The following ACSS2 variants were observed in gnomAD, a reference collection of about 807,000 sequenced individuals.
The protein encoded by ACSS2 is acyl-CoA synthetase short chain family member 2, also known as acetyl-coenzyme A synthetase, cytoplasmic.
A neutral mutation model predicts 90.6 loss-of-function variants in ACSS2; 58 were observed. The ratio of observed to expected loss-of-function variants is 0.64; its 90% CI spans 0.52 to 0.80. The LOEUF (loss-of-function observed/expected upper bound fraction) is 0.80. Among genes scored for constraint, ACSS2 ranks in the 30% least tolerant of loss-of-function variants. The pLI, the probability that ACSS2 is intolerant of heterozygous loss-of-function variation, is 0.00. For synonymous variants in ACSS2, 300 were observed against 330.9 expected, an observed-to-expected ratio of 0.91 and a Z score of 1.01; for missense variants, 759 against 912.0, an observed-to-expected ratio of 0.83 and a Z score of 2.16.
upstream of ACSS2, chr20:34,876,520 A>G: frequency 2.6e-6 from 3 of 1,163,320 alleles, no homozygotes; most frequent in Non-Finnish European, 3.3e-6. Flanking sequence ...CCGCCAGACT[A>G]AGCCACTCCC....
chr20:34,920,577 A>G lies in ACSS2; in HGVS notation c.1011A>G (p.Val337=). ...VHTVGGYMLY[V]ATTFKYVFDF... is the part of the protein sequence containing the mutation. ...CAGTTGGGGGCTACATGCTCTATGT[A>G]GCCACAACCTTCAAGTATGTGTTTG... Residue 337 remains valine (V), a synonymous_variant, in exon 9 of 18, where the codon GTA becomes GTG. Transcript: ENST00000360596. 3 of 1,614,202 alleles carry G rather than the reference A, an allele frequency of 1.9e-6. No homozygotes were observed. The highest frequency in any genetic ancestry group is 2.5e-6 in the Non-Finnish European group (3 of 1,180,038).
chr20:34,909,571 A>AT (rs1165151035), intron 2 of ACSS2, among the ~76,000 whole-genome samples: 4 of 152,172 alleles, frequency 2.6e-5, no homozygotes, highest in Non-Finnish European at 4.4e-5. Flanking sequence ...TGTAGAAAAA[A>AT]TGAGACTATG....
chr20:34,891,059 G>C (rs1221138776), intron 2 of ACSS2, among the ~76,000 whole-genome samples: 3 of 151,756 alleles, frequency 2.0e-5, no homozygotes, highest in Non-Finnish European at 4.4e-5. Flanking sequence ...ATATACTCTA[G>C]GGCTCTGATT....
chr20:34,914,172 G>A lies in ACSS2; in HGVS notation c.719+1G>A. 1 of 1,614,184 alleles carries A rather than the reference G, an allele frequency of 6.2e-7. No individual in the cohort carries two copies. The highest frequency in any genetic ancestry group is 8.5e-7 in the Non-Finnish European group (1 of 1,180,008). ...AGGCCCTGCAGAAGTGTCAGGAGAAGTAAGTGTGTTTGGCTACTGTCTGAG... is the reference window on the plus strand; with the variant it reads ...AGGCCCTGCAGAAGTGTCAGGAGAAATAAGTGTGTTTGGCTACTGTCTGAG... On this transcript the variant is annotated splice_donor_variant, in intron 6 of 17. Coordinates refer to ENST00000360596, the MANE Select transcript of ACSS2 (RefSeq NM_018677.4). LOFTEE classifies it high-confidence loss of function.
At chr20:34,890,164 A>C (rs2080298496) in intron 2 of ACSS2, among the ~76,000 whole-genome samples, 1 of 152,180 alleles carries the variant, frequency 6.6e-6, no homozygotes, top group East Asian at 1.9e-4. Flanking sequence ...ACAGGTAACT[A>C]GGTGTGTAGA....
At position 34,927,087 on chromosome 20, in the gene ACSS2, G is replaced by T. The variant is rs566694933; in HGVS notation, c.1979G>T (p.Gly660Val). 9 of 1,614,068 alleles carry T rather than the reference G, an allele frequency of 5.6e-6. No individual in the cohort carries two copies. The Admixed American group carries it at 1.5e-4, about 27-fold the overall frequency. ...TAACTAGAGGTCTGTGGTTCCCCAG[G>T]GAAAATCATGAGGCGAGTGCTTCGG... ...NAPGLPKTRS[G>V]KIMRRVLRKI... Residue 660 changes from glycine to valine, a missense_variant and splice_region_variant, in exon 18 of 18, where the codon GGG becomes GTG. Transcript: ENST00000360596. This position sits in a 1 kb window ranked among gnomAD's most constrained non-coding sequence, Gnocchi z 4.2.
At position 34,927,194 on chromosome 20, in the gene ACSS2, C is replaced by T. The variant is rs59803261; in HGVS notation, c.2086C>T (p.Arg696Cys). Residue 696 changes from arginine to cysteine, a missense_variant, in exon 18 of 18, where the codon CGC becomes TGC. Coordinates refer to ENST00000360596, the MANE Select transcript of ACSS2 (RefSeq NM_018677.4). The surrounding 1 kb of genome is among the most constrained non-coding windows in gnomAD (Gnocchi z 4.2). ...PSVISHLFSH[R>C]CLTIQ ...TGTCATCAGTCACCTCTTCAGCCAC[C>T]GCTGCCTGACCATCCAGTGAACATG... The T allele has an allele frequency of 7.8e-5, 126 of 1,613,946 alleles. No homozygotes were observed. The African/African-American group carries it at 1.3e-3, about 17-fold the overall frequency.
intron 2 of ACSS2, among the ~76,000 whole-genome samples, chr20:34,899,471 CTTT>C (rs146114328): frequency 7.8e-6 from 1 of 128,724 alleles, no homozygotes; most frequent in Non-Finnish European, 1.6e-5. Flanking sequence ...TCCTTCCTTT[CTTT>C]TTCTTTCTTT....
chr20:34,926,303 G>A, intron 16 of ACSS2, 22 bp downstream of exon 16: 1 of 1,610,050 alleles, frequency 6.2e-7, no homozygotes, highest in South Asian at 1.1e-5. Context: ...CCCTGGGCAG[G>A]GACTATAGGG....
At position 34,876,739 on chromosome 20, in the gene ACSS2, C is replaced by A; in HGVS notation, c.94C>A (p.Pro32Thr). The stretch of plus-strand genomic sequence containing the variant: ...AGGCCGGGCGCGGAGTTGGTCTCCG[C>A]CGCCCGAGGTCAGCCGCTCCGCGCA... ...AGGRARSWSP[P>T]PEVSRSAHVP... The change falls in exon 1 of 18, where the codon CCG becomes ACG. Residue 32 changes from proline to threonine, a missense_variant. Transcript: ENST00000360596. 1 of 1,439,236 alleles carries A rather than the reference C, an allele frequency of 6.9e-7. No individual in the cohort carries two copies. The highest frequency in any genetic ancestry group is 1.4e-5 in the South Asian group (1 of 72,040). The allele number at this position is 1,439,236 out of a possible 1,614,324, so 89.2% of individuals were successfully genotyped here.
Position 34,921,414 on chromosome 20 carries a change from A to C in ACSS2, c.1362A>C (p.Val454=), listed in dbSNP as rs758870285. The change falls in exon 11 of 18, where the codon GTA becomes GTC. Residue 454 remains valine (V), a synonymous_variant. Transcript: ENST00000360596. ...PEAWLWYHRV[V]GAQRCPIVDT... is the part of the protein sequence containing the mutation. The stretch of plus-strand genomic sequence containing the variant: ...CCTGGCTATGGTACCACCGGGTGGT[A>C]GGTGCCCAGCGCTGCCCCATCGTGG... The C allele has an allele frequency of 4.3e-6, 7 of 1,614,216 alleles. No individual in the cohort carries two copies. The South Asian group carries it at 6.6e-5, about 15-fold the overall frequency.
At chr20:34,924,116 G>A (rs2081264843) in intron 14 of ACSS2, among the ~76,000 whole-genome samples, 1 of 152,148 alleles carries the variant, frequency 6.6e-6, no homozygotes, top group African/African-American at 2.4e-5. Flanking sequence ...GATGGGGCAT[G>A]TGGCAGTGCA....
At chr20:34,902,810 C>T (rs1000631300) in intron 2 of ACSS2, among the ~76,000 whole-genome samples, 2 of 151,854 alleles carry the variant, frequency 1.3e-5, no homozygotes, top group Admixed American at 6.6e-5. Context: ...ACTGTAATCT[C>T]CACCTCCTGG....
intron 14 of ACSS2, among the ~76,000 whole-genome samples, chr20:34,924,707 GTTTTT>G (rs36019966): frequency 2.7e-5 from 4 of 149,216 alleles, no homozygotes; most frequent in African/African-American, 7.4e-5. Context: ...GTTGTTGTTT[GTTTTT>G]TTTTTGAGAC....
intron 2 of ACSS2, among the ~76,000 whole-genome samples, chr20:34,905,028 C>T (rs2080763317): frequency 6.7e-6 from 1 of 150,258 alleles, no homozygotes; most frequent in Non-Finnish European, 1.5e-5. Context: ...TGTGATCCTC[C>T]TATTTTAGCC....
intron 2 of ACSS2, among the ~76,000 whole-genome samples, chr20:34,899,427 C>CTTTCTCTTTCT (rs1568977263): frequency 9.5e-5 from 11 of 115,872 alleles, no homozygotes; most frequent in African/African-American, 4.2e-4. Flanking sequence ...TCTTTCTTTC[C>CTTTCTCTTTCT]TTCCTTCCTT....
intron 2 of ACSS2, among the ~76,000 whole-genome samples, chr20:34,898,501 T>C (rs993959177): frequency 2.0e-5 from 3 of 151,976 alleles, no homozygotes; most frequent in African/African-American, 2.4e-5. Context: ...AGGGTGCTGA[T>C]TGGTGTGTTC....
chr20:34,895,559 G>A (rs1258608734), intron 2 of ACSS2, among the ~76,000 whole-genome samples: 1 of 152,174 alleles, frequency 6.6e-6, no homozygotes, highest in African/African-American at 2.4e-5. Context: ...TCTCAGAGAA[G>A]CTCTCATTGA....
Position 34,927,431 on chromosome 20 carries a change from T to A in ACSS2, c.*217T>A. On this transcript the variant is annotated 3_prime_UTR_variant, in exon 18 of 18. Coordinates refer to ENST00000360596, the MANE Select transcript of ACSS2 (RefSeq NM_018677.4). This position sits in a 1 kb window ranked among gnomAD's most constrained non-coding sequence, Gnocchi z 4.2. ...CAGGTCAGCCTCAGTCTGCTGTGCC[T>A]CCAGACTGCAGAGCTCTCAGAACCC... 1.6e-6 allele frequency: 1 copy of A among 621,950 alleles called. No homozygotes were observed. The highest frequency in any genetic ancestry group is 2.8e-6 in the Non-Finnish European group (1 of 358,884). The allele number at this position is 621,950 out of a possible 1,614,324, so 38.5% of individuals were successfully genotyped here.
Sources: gnomAD v4.1 joint callset for allele counts (sites outside exome capture counted in the v4.1 genomes callset) on GRCh38, gnomAD v4.1.1 for gene constraint, Gnocchi (gnomAD v3.1) non-coding constraint, MANE v1.5 for transcripts, NCBI Gene and HGNC (gene_info 2026-07-23, HGNC 2026-07-21) for gene names.